The following IGF2BP2 variants were observed in gnomAD, a reference collection of about 807,000 sequenced individuals.
The protein encoded by IGF2BP2 is insulin-like growth factor 2 mRNA-binding protein 2.
In IGF2BP2, 17 loss-of-function variants were observed where a neutral mutation model predicts 75.8. The observed-to-expected ratio is 0.22, with a 90% CI of 0.15 to 0.34. IGF2BP2 has a LOEUF of 0.34. IGF2BP2 is among the 10% of genes least tolerant of loss of function. The probability of loss-of-function intolerance (pLI) is 1.00; values close to 1 mark genes in which losing one functional copy is unlikely to be tolerated. For missense variants in IGF2BP2, 516 were observed against 772.4 expected (o/e 0.67, Z 3.93); for synonymous variants, 288 against 295.6 (o/e 0.97, Z 0.26).
chr3:185,796,985 C>A, intron 2 of IGF2BP2, among the ~76,000 whole-genome samples: 1 of 152,136 alleles, frequency 6.6e-6, no homozygotes, highest in East Asian at 1.9e-4. Flanking sequence ...ACACTCCAAA[C>A]CCCATCCACT....
At chr3:185,684,767 G>A (rs1255291476) in intron 7 of IGF2BP2, among the ~76,000 whole-genome samples, 1 of 151,402 alleles carries the variant, frequency 6.6e-6, no homozygotes, top group East Asian at 1.9e-4. Flanking sequence ...CTCATTATTT[G>A]TTTAATGAGT....
At chr3:185,710,471 G>T (rs979340192) in intron 2 of IGF2BP2, among the ~76,000 whole-genome samples, 1 of 152,148 alleles carries the variant, frequency 6.6e-6, no homozygotes, top group Non-Finnish European at 1.5e-5. Flanking sequence ...GATGGCTCAC[G>T]CCTGTATTCC....
At chr3:185,804,325 G>A (rs888513928) in intron 2 of IGF2BP2, among the ~76,000 whole-genome samples, 30 of 151,498 alleles carry the variant, frequency 2.0e-4, no homozygotes, top group African/African-American at 6.5e-4. Context: ...CCAGCTACTC[G>A]GGAGGCTGAG....
At chr3:185,648,873 A>G (rs1411129282) in intron 14 of IGF2BP2, among the ~76,000 whole-genome samples, 1 of 152,208 alleles carries the variant, frequency 6.6e-6, no homozygotes, top group Admixed American at 6.5e-5. Context: ...AACAGCCAGA[A>G]GATAGAGCCT....
chr3:185,787,416 T>C (rs1406739619), intron 2 of IGF2BP2, among the ~76,000 whole-genome samples: 1 of 152,168 alleles, frequency 6.6e-6, no homozygotes, highest in Non-Finnish European at 1.5e-5. Flanking sequence ...TTTCATTTTA[T>C]AACTGAAGAA....
intron 10 of IGF2BP2, among the ~76,000 whole-genome samples, chr3:185,668,269 CATA>C (rs1577892609): frequency 6.6e-6 from 1 of 151,878 alleles, no homozygotes; most frequent in Admixed American, 6.6e-5. Context: ...GAAAGATGCC[CATA>C]ATAAGTAAAA....
intron 10 of IGF2BP2, among the ~76,000 whole-genome samples, chr3:185,660,093 G>A (rs966382301): frequency 2.6e-5 from 4 of 152,242 alleles, no homozygotes; most frequent in East Asian, 3.9e-4. Context: ...CACCGCGCCC[G>A]GTCTGATATA....
At chr3:185,717,991 T>C (rs1725896529) in intron 2 of IGF2BP2, 1 of 152,182 alleles carries the variant, frequency 6.6e-6, no homozygotes, top group Admixed American at 6.5e-5. Flanking sequence ...ACATGATCTC[T>C]TGCATGGGCT....
intron 2 of IGF2BP2, among the ~76,000 whole-genome samples, chr3:185,763,449 T>G (rs1253871344): frequency 2.0e-5 from 3 of 152,220 alleles, no homozygotes; most frequent in African/African-American, 4.8e-5. Flanking sequence ...ATATTCATAA[T>G]GTAACCAGCA....
intron 2 of IGF2BP2, among the ~76,000 whole-genome samples, chr3:185,821,505 AG>A (rs1741373600): frequency 2.0e-5 from 3 of 152,238 alleles, no homozygotes; most frequent in Non-Finnish European, 4.4e-5. Context: ...AAAGATAAAA[AG>A]TAGTACATTT....
At chr3:185,741,793 C>T (rs1280443598) in intron 2 of IGF2BP2, among the ~76,000 whole-genome samples, 3 of 152,164 alleles carry the variant, frequency 2.0e-5, no homozygotes, top group Admixed American at 6.5e-5. Flanking sequence ...AGAGCAAGCA[C>T]GAGGTAAGCA....
chr3:185,665,899 G>A (rs1183871403), intron 10 of IGF2BP2, among the ~76,000 whole-genome samples: 3 of 152,078 alleles, frequency 2.0e-5, no homozygotes, highest in East Asian at 1.9e-4. Context: ...CCTGGGAGGC[G>A]GAGGTTGCAG....
intron 2 of IGF2BP2, among the ~76,000 whole-genome samples, chr3:185,807,373 A>T (rs1309227481): frequency 6.6e-6 from 1 of 152,258 alleles, no homozygotes; most frequent in African/African-American, 2.4e-5. Flanking sequence ...GGATAACAGT[A>T]TCTTCCTTCC....
intron 9 of IGF2BP2, 55 bp downstream of exon 9, chr3:185,675,241 G>A: frequency 1.3e-6 from 2 of 1,565,336 alleles, no homozygotes; most frequent in Admixed American, 2.0e-5. Context: ...TAGCTGAATG[G>A]CAAGTATTTT....
At chr3:185,824,004 C>T (rs1741704138) in intron 1 of IGF2BP2, among the ~76,000 whole-genome samples, 1 of 152,106 alleles carries the variant, frequency 6.6e-6, no homozygotes, top group African/African-American at 2.4e-5. Flanking sequence ...TGCTTCTGGC[C>T]GAGCGGGAGG....
chr3:185,654,733 C>T (rs1715154405), intron 12 of IGF2BP2, among the ~76,000 whole-genome samples: 1 of 152,164 alleles, frequency 6.6e-6, no homozygotes, highest in Non-Finnish European at 1.5e-5. Flanking sequence ...GAGATAACTG[C>T]CAAGATCACA....
Position 185,809,369 on chromosome 3 carries a change from T to C in IGF2BP2, c.239+13784A>G, listed in dbSNP as rs57143329. Among the ~76,000 whole-genome samples the C allele has an allele frequency of 3.4e-3, 520 of 152,350 alleles. 1 individual carries two copies. Among genetic ancestry groups the C allele is most frequent in the African/African-American group, 0.012 (501 of 41,594 alleles). On this transcript the variant is annotated intron_variant, in intron 2 of 15. Transcript: ENST00000382199. ...TTCCAATGTTCATTTTGAAGCCCTG[T>C]GCAATTGTTCTTTGCAGCCAGCCTT...
At chr3:185,766,359 T>C (rs553479790) in intron 2 of IGF2BP2, among the ~76,000 whole-genome samples, 1 of 152,306 alleles carries the variant, frequency 6.6e-6, no homozygotes, top group African/African-American at 2.4e-5. Context: ...ACCAACAAAC[T>C]ACGGTTGATA....
chr3:185,662,975 C>T lies in IGF2BP2; in HGVS notation c.1201-4566G>A, dbSNP rs143467903. 2.4e-3 allele frequency among the ~76,000 whole-genome samples: 364 copies of T among 152,286 alleles called. 2 individuals are homozygous for T. Among genetic ancestry groups the T allele is most frequent in the African/African-American group, 7.8e-3 (323 of 41,570 alleles). ...GATTACACGAGTGAGCCACCACACC[C>T]AGCCCCATTCCCATACTTTCTGTTA... is the stretch of plus-strand genomic sequence containing the variant. On this transcript the variant is annotated intron_variant, in intron 10 of 15. Transcript: ENST00000382199.
Sources: gnomAD v4.1 joint callset for allele counts (sites outside exome capture counted in the v4.1 genomes callset) on GRCh38, gnomAD v4.1.1 for gene constraint, MANE v1.5 for transcripts, NCBI Gene and HGNC (gene_info 2026-07-23, HGNC 2026-07-21) for gene names.